ERI1: variants seen among roughly 807,000 people sequenced by gnomAD.
ERI1 encodes 3'-5' exoribonuclease 1.
ERI1 carries 39 observed loss-of-function variants against 39.7 expected under a neutral mutation model. That is an observed-to-expected ratio of 0.98 (90% CI 0.76 to 1.28). The LOEUF is 1.28. ERI1 is among the 50% of genes most tolerant of loss of function. The pLI, the probability that ERI1 is intolerant of heterozygous loss-of-function variation, is 0.00. For synonymous variants in ERI1, 204 were observed against 149.6 expected (o/e 1.36, Z -2.65); for missense variants, 581 against 416.9 (o/e 1.39, Z -3.43).
In ERI1 at chr8:9,065,777, C is replaced by G. The variant is rs796644101; in HGVS notation, n.299+45313C>G. On this transcript the variant is annotated intron_variant and non_coding_transcript_variant, in intron 3 of 3. Coordinates refer to the ERI1 transcript ENST00000518663. ...AAACTAAAAAATACTAACAAATCTC[C>G]TTTTAAAATTACTTAAAAAAATAAA... Among the ~76,000 whole-genome samples the G allele has an allele frequency of 1.3e-5, 2 of 150,986 alleles. 1 individual carries two copies. The highest frequency in any genetic ancestry group is 4.9e-5 in the African/African-American group (2 of 40,936).
rs149472439 is a variant in ERI1, at chr8:9,014,991, C to T, written c.499-1331C>T. Among the ~76,000 whole-genome samples, 327 of 152,242 alleles carry T rather than the reference C, an allele frequency of 2.1e-3. 2 individuals are homozygous for T. The highest frequency in any genetic ancestry group is 7.5e-3 in the African/African-American group (310 of 41,544). ...TAGTTGGAACTATACGTGCATGCCA[C>T]CTCGCCCAGCTAATTTTTGTATTTT... On this transcript the variant is annotated intron_variant, in intron 3 of 6. Coordinates refer to ENST00000250263, the MANE Select transcript of ERI1 (RefSeq NM_153332.4).
chr8:9,057,355 A>T (rs1379763276), intron 3 of ERI1, among the ~76,000 whole-genome samples: 1 of 152,066 alleles, frequency 6.6e-6, no homozygotes, highest in Non-Finnish European at 1.5e-5. Flanking sequence ...GCTTTGCCCA[A>T]CTCTGGGCTG....
At chr8:9,061,512 G>A (rs1226119651) in intron 3 of ERI1, among the ~76,000 whole-genome samples, 1 of 152,244 alleles carries the variant, frequency 6.6e-6, no homozygotes, top group African/African-American at 2.4e-5. Flanking sequence ...AAGTATTAGG[G>A]CAGTGGCGGC....
intron 3 of ERI1, among the ~76,000 whole-genome samples, chr8:9,052,261 G>C (rs112642658): frequency 0.02 from 3,077 of 151,846 alleles, 85 homozygotes; most frequent in South Asian, 0.091. Context: ...CTCTCTCTGT[G>C]TTCTATTTCT....
chr8:9,011,515 T>G, intron 2 of ERI1, 27 bp from the exon 3 acceptor site: 1 of 1,493,426 alleles, frequency 6.7e-7, no homozygotes, highest in Non-Finnish European at 9.2e-7. Context: ...TTTACCTAAG[T>G]GTAACTAGTC....
At chr8:9,019,833 C>CT (rs1817694620) in intron 5 of ERI1, among the ~76,000 whole-genome samples, 1 of 152,086 alleles carries the variant, frequency 6.6e-6, no homozygotes, top group Non-Finnish European at 1.5e-5. Flanking sequence ...CTCTCCTTGC[C>CT]TAAGAAAAAC....
downstream of ERI1, among the ~76,000 whole-genome samples, chr8:9,037,847 G>T (rs1289781738): frequency 4.8e-5 from 7 of 145,352 alleles, no homozygotes; most frequent in African/African-American, 1.8e-4. Context: ...GCAAACAAAT[G>T]TTAAGCTGTC....
chr8:9,029,809 C>A lies in ERI1; in HGVS notation c.825C>A (p.Thr275=). The change falls in exon 7 of 7, where the codon ACC becomes ACA. Residue 275 remains threonine, a synonymous_variant. Coordinates refer to ENST00000250263, the MANE Select transcript of ERI1 (RefSeq NM_153332.4). Reference sequence around the variant, plus strand: ...TTTTTCAGGTTCCTAGAAGCCAAACCAAACTGACAATAATGCTTGAAAAAT... The same window carrying A: ...TTTTTCAGGTTCCTAGAAGCCAAACAAAACTGACAATAATGCTTGAAAAAT... The part of the protein sequence containing the change: ...GNFYKVPRSQ[T]KLTIMLEKLG... 3.7e-6 allele frequency: 6 copies of A among 1,614,060 alleles called. No individual in the cohort carries two copies. The highest frequency in any genetic ancestry group is 5.1e-6 in the Non-Finnish European group (6 of 1,179,992).
In ERI1 at chr8:9,008,984, A is replaced by G. The variant is rs572231200; in HGVS notation, c.287+836A>G. 119 of 456,300 alleles carry G rather than the reference A, an allele frequency of 2.6e-4. 1 individual carries two copies. Among genetic ancestry groups the G allele is most frequent in the African/African-American group, 2.2e-3 (109 of 50,218 alleles). 28.3% of individuals were successfully genotyped at this position (456,300 alleles called of 1,614,324 possible). On this transcript the variant is annotated intron_variant, in intron 2 of 6. Transcript: ENST00000250263. The stretch of plus-strand genomic sequence containing the variant: ...TTCTAGATTGTCTACATCATAATGT[A>G]TGAAGAAATTTTTGACTCCTATTTC...
At chr8:9,025,932 A>G (rs573232145) in intron 6 of ERI1, among the ~76,000 whole-genome samples, 6 of 152,304 alleles carry the variant, frequency 3.9e-5, no homozygotes, top group Middle Eastern at 3.4e-3. Flanking sequence ...GTTAAGTTTC[A>G]TACAGTTTTG....
chr8:9,081,697 TTTGG>T (rs1799375154), intron 3 of ERI1, among the ~76,000 whole-genome samples: 2 of 124,026 alleles, frequency 1.6e-5, no homozygotes, highest in African/African-American at 6.7e-5. Flanking sequence ...TTTGTTTTTT[TTTGG>T]TTTTTGTTTG....
intron 3 of ERI1, among the ~76,000 whole-genome samples, chr8:9,044,648 T>C (rs1350967892): frequency 1.3e-5 from 2 of 152,094 alleles, no homozygotes; most frequent in African/African-American, 4.8e-5. Context: ...AAGCTAAGCC[T>C]TGAAGAACAA....
At chr8:9,014,275 C>G (rs1816996080) in intron 3 of ERI1, among the ~76,000 whole-genome samples, 1 of 152,242 alleles carries the variant, frequency 6.6e-6, no homozygotes, top group Non-Finnish European at 1.5e-5. Flanking sequence ...AGCCAGAAGT[C>G]TTGCTGGCTG....
intron 1 of ERI1, among the ~76,000 whole-genome samples, chr8:9,006,557 A>G (rs1262631736): frequency 6.6e-6 from 1 of 152,248 alleles, no homozygotes; most frequent in African/African-American, 2.4e-5. Flanking sequence ...ATGAAGTTTC[A>G]AATTCAATGT....
intron 6 of ERI1, among the ~76,000 whole-genome samples, chr8:9,025,313 A>G (rs1818354875): frequency 6.6e-6 from 1 of 152,212 alleles, no homozygotes. Context: ...CTGTTGTAAC[A>G]TGATTATTTC....
At chr8:9,079,706 C>A (rs1411544155) in intron 3 of ERI1, among the ~76,000 whole-genome samples, 2 of 152,252 alleles carry the variant, frequency 1.3e-5, no homozygotes, top group South Asian at 4.2e-4. Context: ...GACAGGGTCT[C>A]ACTGTCATCC....
At chr8:9,038,602 C>CA (rs60527003) in intron 3 of ERI1, among the ~76,000 whole-genome samples, 22,803 of 152,054 alleles carry the variant, frequency 0.15, 1,906 homozygotes, top group African/African-American at 0.21. Flanking sequence ...ACAAAAAATT[C>CA]AAAACTTAGC....
intron 3 of ERI1, chr8:9,099,853 G>C (rs1020835930): frequency 6.6e-6 from 1 of 152,062 alleles, no homozygotes; most frequent in Non-Finnish European, 1.5e-5. Context: ...CATTTCTTTT[G>C]GGCAGACAAC....
intron 3 of ERI1, among the ~76,000 whole-genome samples, chr8:9,093,991 TTTTTA>T (rs1466551349): frequency 1.3e-5 from 2 of 152,226 alleles, no homozygotes; most frequent in Non-Finnish European, 2.9e-5. Flanking sequence ...GGAAACTTCT[TTTTTA>T]TTTTATCTTT....
Sources: gnomAD v4.1 joint callset for allele counts (sites outside exome capture counted in the v4.1 genomes callset) on GRCh38, gnomAD v4.1.1 for gene constraint, MANE v1.5 for transcripts, NCBI Gene and HGNC (gene_info 2026-07-23, HGNC 2026-07-21) for gene names.